RSRC1: variants seen among roughly 807,000 people sequenced by gnomAD.
RSRC1 encodes arginine and serine rich coiled-coil 1.
In RSRC1, 39 loss-of-function variants were observed where a neutral mutation model predicts 49.1. The observed-to-expected ratio is 0.79, with a 90% CI of 0.61 to 1.04. The LOEUF (loss-of-function observed/expected upper bound fraction) is 1.04, where lower values mean the gene tolerates loss of function less well. RSRC1 is among the 50% of genes least tolerant of loss of function. The pLI is 0.00. For synonymous variants in RSRC1, 143 were observed against 130.8 expected, an observed-to-expected ratio of 1.09 and a Z score of -0.63; for missense variants, 388 against 402.4, an observed-to-expected ratio of 0.96 and a Z score of 0.31.
At chr3:158,400,036 G>A (rs142064550) in intron 6 of RSRC1, among the ~76,000 whole-genome samples, 1 of 152,248 alleles carries the variant, frequency 6.6e-6, no homozygotes, top group East Asian at 1.9e-4. Context: ...AGATGTTTCA[G>A]TCTATTTGCC....
At chr3:158,118,846 C>G (rs1463797628) in intron 1 of RSRC1, among the ~76,000 whole-genome samples, 2 of 152,198 alleles carry the variant, frequency 1.3e-5, no homozygotes, top group African/African-American at 4.8e-5. Flanking sequence ...GGGGCCTGCC[C>G]TTTTTGGGGG....
chr3:158,454,206 A>G (rs1737198221), intron 6 of RSRC1, among the ~76,000 whole-genome samples: 1 of 152,088 alleles, frequency 6.6e-6, no homozygotes, highest in East Asian at 1.9e-4. Context: ...CTTCTCTTTG[A>G]TAGATGTTAG....
At chr3:158,232,304 T>C (rs1197854686) in intron 4 of RSRC1, among the ~76,000 whole-genome samples, 1 of 152,188 alleles carries the variant, frequency 6.6e-6, no homozygotes, top group African/African-American at 2.4e-5. Context: ...TCTTAACATT[T>C]AGTTTAAGTA....
chr3:158,327,908 G>T (rs956668884), intron 5 of RSRC1, among the ~76,000 whole-genome samples: 8 of 152,140 alleles, frequency 5.3e-5, no homozygotes, highest in African/African-American at 1.9e-4. Context: ...TTATGAATGT[G>T]GGTGCTCCTG....
intron 6 of RSRC1, among the ~76,000 whole-genome samples, chr3:158,398,147 G>T (rs1733707535): frequency 6.6e-6 from 1 of 152,052 alleles, no homozygotes; most frequent in Non-Finnish European, 1.5e-5. Context: ...CAGGCTCAGG[G>T]CAGCATGAAT....
chr3:158,229,102 G>A (rs1373672621), intron 4 of RSRC1, among the ~76,000 whole-genome samples: 1 of 149,810 alleles, frequency 6.7e-6, no homozygotes, highest in Non-Finnish European at 1.5e-5. Context: ...ACACATACGT[G>A]TATATGTGTA....
intron 6 of RSRC1, among the ~76,000 whole-genome samples, chr3:158,451,164 G>A (rs1386185685): frequency 6.6e-6 from 1 of 151,732 alleles, no homozygotes; most frequent in African/African-American, 2.4e-5. Context: ...ATATAACTAA[G>A]TTCATCTCCT....
chr3:158,116,487 T>C (rs949838145), intron 1 of RSRC1, among the ~76,000 whole-genome samples: 8 of 152,132 alleles, frequency 5.3e-5, no homozygotes, highest in African/African-American at 1.7e-4. Flanking sequence ...TTAGTAAAAT[T>C]TATGATTTTT....
intron 7 of RSRC1, among the ~76,000 whole-genome samples, chr3:158,495,361 C>T (rs1739275713): frequency 6.6e-6 from 1 of 152,134 alleles, no homozygotes. Flanking sequence ...TCTTGGCTCA[C>T]TGCAACTCCA....
At chr3:158,194,491 C>CTTT (rs368635096) in intron 3 of RSRC1, among the ~76,000 whole-genome samples, 10,606 of 126,430 alleles carry the variant, frequency 0.084, 468 homozygotes, top group South Asian at 0.14. Flanking sequence ...CTTTGAGATT[C>CTTT]TTTTTTTTTT....
chr3:158,472,873 T>G (rs1442798733), intron 7 of RSRC1, among the ~76,000 whole-genome samples: 1 of 152,222 alleles, frequency 6.6e-6, no homozygotes, highest in Non-Finnish European at 1.5e-5. Context: ...AATTTTGGTT[T>G]TTGTTACCAT....
intron 3 of RSRC1, among the ~76,000 whole-genome samples, chr3:158,126,072 A>G (rs1221098069): frequency 2.0e-5 from 3 of 151,920 alleles, no homozygotes; most frequent in Non-Finnish European, 4.4e-5. Context: ...CTTTTTCAGT[A>G]TATGTGTGTC....
chr3:158,311,167 C>T (rs1728099749), intron 5 of RSRC1, among the ~76,000 whole-genome samples: 1 of 151,830 alleles, frequency 6.6e-6, no homozygotes, highest in Admixed American at 6.6e-5. Context: ...ACCTCTCTAA[C>T]AGTGTTAAGA....
intron 4 of RSRC1, among the ~76,000 whole-genome samples, chr3:158,294,067 A>T (rs1277823770): frequency 6.6e-6 from 1 of 152,166 alleles, no homozygotes; most frequent in East Asian, 1.9e-4. Flanking sequence ...GAATATTTTT[A>T]TATCTGGGAA....
chr3:158,346,566 A>G (rs887212774), intron 5 of RSRC1, among the ~76,000 whole-genome samples: 1 of 152,184 alleles, frequency 6.6e-6, no homozygotes, highest in African/African-American at 2.4e-5. Context: ...GGAAATATAG[A>G]CCACAATGAG....
At chr3:158,354,821 C>A (rs1355824914) in intron 5 of RSRC1, 36 bp from the exon 6 acceptor site, 36 of 1,502,990 alleles carry the variant, frequency 2.4e-5, no homozygotes, top group Non-Finnish European at 3.2e-5. Flanking sequence ...CTGTAAAAGT[C>A]TTGTATGGTT....
At chr3:158,214,396 G>T (rs1424040937) in intron 4 of RSRC1, among the ~76,000 whole-genome samples, 1 of 151,574 alleles carries the variant, frequency 6.6e-6, no homozygotes, top group African/African-American at 2.4e-5. Context: ...GGGGTTCATT[G>T]ATATCTTTTG....
At chr3:158,323,409 C>A (rs995344451) in intron 5 of RSRC1, among the ~76,000 whole-genome samples, 7 of 152,144 alleles carry the variant, frequency 4.6e-5, no homozygotes, top group Non-Finnish European at 1.0e-4. Flanking sequence ...AAAGGTGGAG[C>A]AAATTCACAA....
chr3:158,136,267 T>C (rs1359593312), intron 3 of RSRC1, among the ~76,000 whole-genome samples: 2 of 152,234 alleles, frequency 1.3e-5, no homozygotes, highest in Admixed American at 6.5e-5. Context: ...GTATATTATT[T>C]AAATTATTTT....
Sources: allele counts gnomAD v4.1 joint callset (sites outside exome capture counted in the v4.1 genomes callset), GRCh38; gene constraint gnomAD v4.1.1; transcripts MANE v1.5; gene names NCBI Gene and HGNC (gene_info 2026-07-23, HGNC 2026-07-21).